Variants in NINL observed in about 807,000 individuals in gnomAD.
The protein encoded by NINL is ninein-like protein.
NINL carries 153 observed loss-of-function variants against 160.3 expected under a neutral mutation model. The observed-to-expected ratio is 0.95, with a 90% CI of 0.84 to 1.09. The LOEUF (loss-of-function observed/expected upper bound fraction) is 1.09, where lower values mean the gene tolerates loss of function less well. NINL is among the 50% of genes least tolerant of loss of function. The probability of loss-of-function intolerance (pLI) is 0.00; values close to 1 mark genes in which losing one functional copy is unlikely to be tolerated. For synonymous variants in NINL, 800 were observed against 734.8 expected (o/e 1.09, Z -1.43); for missense variants, 1,829 against 1,764.0 (o/e 1.04, Z -0.66).
At chr20:25,532,963 G>C (rs895634023) in intron 1 of NINL, among the ~76,000 whole-genome samples, 1 of 152,108 alleles carries the variant, frequency 6.6e-6, no homozygotes, top group African/African-American at 2.4e-5. Context: ...GGCCAGGAAG[G>C]CTTAGAAAAA....
intron 1 of NINL, among the ~76,000 whole-genome samples, chr20:25,533,555 G>C (rs753140649): frequency 3.2e-4 from 49 of 152,188 alleles, no homozygotes; most frequent in Non-Finnish European, 5.4e-4. Context: ...CCATACAGTA[G>C]TCAAATCAGT....
At position 25,572,379 on chromosome 20, in the gene NINL, A is replaced by AG. The variant is rs2147175967; in HGVS notation, c.-12+13075dup. Among the ~76,000 whole-genome samples the AG allele has an allele frequency of 1.3e-5, 2 of 152,138 alleles. 1 individual carries two copies. The highest frequency in any genetic ancestry group is 4.2e-4 in the South Asian group (2 of 4,814). ...CTCTGAGCTGTCAGAGCCACTGGAG[A>AG]GGTGTCTCTACCACTGACCCCTCAC... On this transcript the variant is annotated intron_variant, in intron 1 of 23. Coordinates refer to ENST00000278886, the MANE Select transcript of NINL (RefSeq NM_025176.6).
chr20:25,550,334 C>T (rs1050369196), intron 1 of NINL, among the ~76,000 whole-genome samples: 3 of 152,236 alleles, frequency 2.0e-5, no homozygotes, highest in Non-Finnish European at 2.9e-5. Flanking sequence ...TGACTGTGCC[C>T]CTGCATGATG....
At chr20:25,466,626 C>A (rs1351058355) in intron 19 of NINL, among the ~76,000 whole-genome samples, 1 of 151,582 alleles carries the variant, frequency 6.6e-6, no homozygotes, top group Non-Finnish European at 1.5e-5. Flanking sequence ...ATGGTGAAAC[C>A]CTGTCTCTAC....
intron 7 of NINL, among the ~76,000 whole-genome samples, chr20:25,503,434 G>T (rs928009528): frequency 7.5e-6 from 1 of 133,804 alleles, no homozygotes; most frequent in African/African-American, 2.8e-5. Flanking sequence ...TGTAACCCCA[G>T]GAGGTGGGCA....
chr20:25,521,138 C>A (rs2064256136), intron 2 of NINL, among the ~76,000 whole-genome samples: 1 of 152,210 alleles, frequency 6.6e-6, no homozygotes, highest in South Asian at 2.1e-4. Context: ...TCCATCTGTA[C>A]CACCTCTTTT....
At position 25,453,517 on chromosome 20, in the gene NINL, C is replaced by T; in HGVS notation, c.4083G>A (p.Leu1361=). 1 of 1,614,010 alleles carries T rather than the reference C, an allele frequency of 6.2e-7. No individual in the cohort carries two copies. Among genetic ancestry groups the T allele is most frequent in the African/African-American group, 1.3e-5 (1 of 75,028 alleles). The change falls in exon 24 of 24, where the codon TTG becomes TTA. Residue 1361 remains leucine, a synonymous_variant. Coordinates refer to ENST00000278886, the MANE Select transcript of NINL (RefSeq NM_025176.6). The part of the protein sequence containing the change: ...QRGAEKQSRL[L]EEKVRALNKL... ...TGTTGAGAGCGCGAACTTTTTCTTC[C>T]AAGAGGCGGCTTTGTTTCTCGGCGC...
chr20:25,546,013 G>A (rs560842125), intron 1 of NINL, among the ~76,000 whole-genome samples: 55 of 149,574 alleles, frequency 3.7e-4, no homozygotes, highest in African/African-American at 1.3e-3. Context: ...ACAGAGTCTC[G>A]CTCTGTTGCC....
rs1267031217 is a variant in NINL, at chr20:25,476,304, T to C, written c.2987A>G (p.Glu996Gly). 2.5e-6 allele frequency: 4 copies of C among 1,613,176 alleles called. No homozygotes were observed. The African/African-American group carries it at 5.3e-5, about 22-fold the overall frequency. Residue 996 changes from glutamate (E) to glycine (G), a missense_variant, in exon 17 of 24, where the codon GAG (glutamate) becomes GGG (glycine). Transcript: ENST00000278886. ...WSRGTQEQAS[E>G]QQARAEGALE... ...GGCGCCCTCGGCCCGGGCCTGCTGC[T>C]CCGAGGCCTGCTCCTGGGTGCCCCT...
rs201779219 is a variant in NINL, at chr20:25,476,194, C to T, written c.3097G>A (p.Gly1033Ser). Residue 1033 changes from glycine (G) to serine (S), a missense_variant, in exon 17 of 24, where the codon GGT (glycine) becomes AGT (serine). By Grantham distance (56) the Gly-to-Ser change is moderately conservative (BLOSUM62 0). Coordinates refer to ENST00000278886, the MANE Select transcript of NINL (RefSeq NM_025176.6). Reference protein sequence around the residue: ...PSHLQLADPQGSWQEQLAAPE... With the variant: ...PSHLQLADPQSSWQEQLAAPE... ...GCAGCAAGCTGCTCCTGCCAGGAAC[C>T]CTGCGGGTCTGCGAGCTGGAGGTGG... 3.1e-6 allele frequency: 5 copies of T among 1,614,094 alleles called. No homozygotes were observed. Among genetic ancestry groups the T allele is most frequent in the African/African-American group, 1.3e-5 (1 of 74,940 alleles).
intron 18 of NINL, 75 bp downstream of exon 18, chr20:25,469,916 T>A (rs761420471): frequency 5.2e-6 from 5 of 957,368 alleles, no homozygotes; most frequent in Non-Finnish European, 8.5e-6. Flanking sequence ...ACTGTCTATA[T>A]GGAGACTGCA....
At chr20:25,509,834 G>T (rs1207783673) in intron 5 of NINL, 5 of 406,176 alleles carry the variant, frequency 1.2e-5, no homozygotes, top group African/African-American at 1.0e-4. Flanking sequence ...TAATGTCAAG[G>T]AAGTATTATA....
chr20:25,539,110 A>G (rs184342070), intron 1 of NINL, among the ~76,000 whole-genome samples: 158 of 152,334 alleles, frequency 1.0e-3, no homozygotes, highest in African/African-American at 3.3e-3. Flanking sequence ...GCTGATGCCC[A>G]GAATCCAGTG....
At chr20:25,499,530 CGA>C (rs1225051081) in intron 8 of NINL, among the ~76,000 whole-genome samples, 1 of 152,022 alleles carries the variant, frequency 6.6e-6, no homozygotes, top group African/African-American at 2.4e-5. Context: ...ATCTTGGAAC[CGA>C]GAGACTTGTG....
chr20:25,578,787 C>A, intron 1 of NINL, among the ~76,000 whole-genome samples: 1 of 91,638 alleles, frequency 1.1e-5, no homozygotes, highest in Non-Finnish European at 2.4e-5. Flanking sequence ...AGCGAGACTC[C>A]ATCTCCAAAA....
chr20:25,564,471 C>A (rs908143774), intron 1 of NINL, among the ~76,000 whole-genome samples: 1 of 152,142 alleles, frequency 6.6e-6, no homozygotes, highest in Non-Finnish European at 1.5e-5. Flanking sequence ...GCGCATGCCA[C>A]CAGGCCCAAC....
intron 1 of NINL, 23 bp from the exon 2 acceptor site, chr20:25,526,621 GA>G (rs757780178): frequency 6.2e-7 from 1 of 1,601,342 alleles, no homozygotes; most frequent in Non-Finnish European, 8.5e-7. Flanking sequence ...AAGGGAAGAA[GA>G]AAACATCAGG....
In NINL at chr20:25,471,947, A is replaced by G. The variant is rs182814716; in HGVS notation, c.3249-1852T>C. On this transcript the variant is annotated intron_variant, in intron 17 of 23. Transcript: ENST00000278886. ...AGCAGAAGCCAGAAGCCAGAATTCA[A>G]TCCTCTAGAAACTGCAGGTATTGGA... Among the ~76,000 whole-genome samples the G allele has an allele frequency of 3.4e-4, 52 of 152,338 alleles. 1 individual carries two copies. The East Asian group carries it at 9.8e-3, about 29-fold the overall frequency.
intron 8 of NINL, among the ~76,000 whole-genome samples, chr20:25,498,649 C>T (rs1035180935): frequency 6.6e-6 from 1 of 152,208 alleles, no homozygotes; most frequent in African/African-American, 2.4e-5. Flanking sequence ...CCCCTGCAGG[C>T]CCTTCATGGG....
Sources: allele counts gnomAD v4.1 joint callset (sites outside exome capture counted in the v4.1 genomes callset), GRCh38; gene constraint gnomAD v4.1.1; transcripts MANE v1.5; gene names NCBI Gene and HGNC (gene_info 2026-07-23, HGNC 2026-07-21).